Variants in CNTNAP2 observed in about 807,000 individuals in gnomAD.
CNTNAP2 encodes contactin-associated protein-like 2.
In CNTNAP2, 98 loss-of-function variants were observed where a neutral mutation model predicts 155.2. The ratio of observed to expected loss-of-function variants is 0.63; its 90% CI spans 0.54 to 0.75. The LOEUF (loss-of-function observed/expected upper bound fraction) is 0.75. CNTNAP2 is among the 30% of genes least tolerant of loss of function. CNTNAP2 has a pLI of 0.00. For synonymous variants in CNTNAP2, 651 were observed against 631.2 expected (o/e 1.03, Z -0.47); for missense variants, 1,727 against 1,688.1 (o/e 1.02, Z -0.40).
At chr7:147,153,674 G>A (rs1801868858) in intron 8 of CNTNAP2, among the ~76,000 whole-genome samples, 1 of 152,152 alleles carries the variant, frequency 6.6e-6, no homozygotes, top group Admixed American at 6.6e-5. Context: ...ATAATGCAGT[G>A]AACAGCGCAT....
At chr7:146,332,314 A>G (rs985274107) in intron 1 of CNTNAP2, among the ~76,000 whole-genome samples, 9 of 152,150 alleles carry the variant, frequency 5.9e-5, no homozygotes, top group African/African-American at 2.2e-4. Context: ...ATATAAAAAT[A>G]ATAGTAAAAC....
chr7:146,477,390 A>T (rs897527992), intron 1 of CNTNAP2, among the ~76,000 whole-genome samples: 3 of 152,140 alleles, frequency 2.0e-5, no homozygotes, highest in South Asian at 2.1e-4. Context: ...GGATTCCATT[A>T]TACATATTTT....
intron 15 of CNTNAP2, among the ~76,000 whole-genome samples, chr7:148,098,498 G>A (rs1180311732): frequency 4.0e-5 from 5 of 124,904 alleles, no homozygotes; most frequent in African/African-American, 1.5e-4. Context: ...AGCCTAATAA[G>A]CAAGTGAGAG....
chr7:146,502,447 T>TGTCTC (rs1797319568), intron 1 of CNTNAP2, among the ~76,000 whole-genome samples: 1 of 151,866 alleles, frequency 6.6e-6, no homozygotes, highest in Non-Finnish European at 1.5e-5. Flanking sequence ...ATTATTAGTT[T>TGTCTC]TTTGAGAAAT....
At chr7:147,315,817 A>C (rs1584867574) in intron 9 of CNTNAP2, among the ~76,000 whole-genome samples, 2 of 152,182 alleles carry the variant, frequency 1.3e-5, no homozygotes, top group East Asian at 3.9e-4. Flanking sequence ...TTGCTTAAAA[A>C]ATTATCTTTT....
chr7:146,677,922 T>C (rs1800431388), intron 1 of CNTNAP2, among the ~76,000 whole-genome samples: 1 of 152,112 alleles, frequency 6.6e-6, no homozygotes, highest in African/African-American at 2.4e-5. Context: ...GCATGACTGA[T>C]GTCCCACGCT....
chr7:146,932,388 C>G (rs147854161), intron 3 of CNTNAP2, among the ~76,000 whole-genome samples: 44,353 of 148,952 alleles, frequency 0.3, 1,962 homozygotes, highest in Middle Eastern at 0.35. Context: ...ATTCAACAAC[C>G]CTTCATGCTA....
At chr7:146,977,849 A>T (rs552641722) in intron 3 of CNTNAP2, among the ~76,000 whole-genome samples, 1 of 152,340 alleles carries the variant, frequency 6.6e-6, no homozygotes, top group African/African-American at 2.4e-5. Flanking sequence ...CTGTCAAATT[A>T]CATGGGTTGA....
rs1170952494 is a variant in CNTNAP2 at position 146,721,166 on chromosome 7, C to G, written c.98-53105C>G. On this transcript the variant is annotated intron_variant, in intron 1 of 23. Transcript: ENST00000361727. ...TTTATATATTCTATATATATATTCT[C>G]TCTATATATTCCATATATATATTCT... Among the ~76,000 whole-genome samples, 2 of 130,314 alleles carry G rather than the reference C, an allele frequency of 1.5e-5. 1 individual carries two copies. Among genetic ancestry groups the G allele is most frequent in the African/African-American group, 5.7e-5 (2 of 34,992 alleles). The allele number at this position is 130,314 out of a possible 152,430, so 85.5% of individuals were successfully genotyped here.
chr7:147,798,329 TA>T (rs1797935156), intron 13 of CNTNAP2, among the ~76,000 whole-genome samples: 1 of 151,918 alleles, frequency 6.6e-6, no homozygotes, highest in Non-Finnish European at 1.5e-5. Flanking sequence ...GCTTTATTAG[TA>T]GGTCAATTAG....
chr7:147,347,702 C>T (rs780169827), intron 9 of CNTNAP2, among the ~76,000 whole-genome samples: 8 of 151,666 alleles, frequency 5.3e-5, no homozygotes, highest in Non-Finnish European at 8.8e-5. Context: ...TGTGGGATCA[C>T]AAAAATCCCA....
At chr7:146,600,141 T>C (rs1798927744) in intron 1 of CNTNAP2, among the ~76,000 whole-genome samples, 1 of 151,932 alleles carries the variant, frequency 6.6e-6, no homozygotes, top group Admixed American at 6.6e-5. Context: ...TCCTCAACCA[T>C]TCGTAAGCAA....
intron 21 of CNTNAP2, among the ~76,000 whole-genome samples, chr7:148,309,437 GAC>G (rs1332586812): frequency 6.6e-6 from 1 of 152,208 alleles, no homozygotes; most frequent in Non-Finnish European, 1.5e-5. Context: ...TGTGTGAAGA[GAC>G]CACCAAACAG....
intron 1 of CNTNAP2, among the ~76,000 whole-genome samples, chr7:146,586,026 C>CAAAACAAAA (rs1307661999): frequency 1.3e-5 from 2 of 151,626 alleles, no homozygotes; most frequent in African/African-American, 4.8e-5. Flanking sequence ...AACAACAAAA[C>CAAAACAAAA]AAAACAAACA....
At chr7:147,388,125 T>C (rs1411590467) in intron 9 of CNTNAP2, among the ~76,000 whole-genome samples, 1 of 152,230 alleles carries the variant, frequency 6.6e-6, no homozygotes, top group Non-Finnish European at 1.5e-5. Context: ...CCCTTTTTTA[T>C]TTTGATATTC....
intron 1 of CNTNAP2, among the ~76,000 whole-genome samples, chr7:146,734,985 A>G (rs1000789155): frequency 6.6e-6 from 1 of 152,186 alleles, no homozygotes; most frequent in African/African-American, 2.4e-5. Context: ...GAACCGAGAA[A>G]GAAATCCAGA....
chr7:146,871,872 A>T lies in CNTNAP2; in HGVS notation c.402+31968A>T, dbSNP rs149558800. ...GTTTTATGAGCATAACAAATTCAAA[A>T]AACACAGAACTATAACTCTTTTGTT... On this transcript the variant is annotated intron_variant, in intron 3 of 23. Coordinates refer to ENST00000361727, the MANE Select transcript of CNTNAP2 (RefSeq NM_014141.6). 6.5e-3 allele frequency among the ~76,000 whole-genome samples: 991 copies of T among 152,230 alleles called. 8 individuals are homozygous for T. The highest frequency in any genetic ancestry group is 0.022 in the African/African-American group (907 of 41,552).
At chr7:147,119,319 GTTT>G (rs1200816168) in intron 5 of CNTNAP2, among the ~76,000 whole-genome samples, 7 of 152,108 alleles carry the variant, frequency 4.6e-5, no homozygotes, top group Non-Finnish European at 7.4e-5. Context: ...ACCAAAAAAA[GTTT>G]ATTAGCTTTA....
At chr7:146,630,972 G>T (rs537287569) in intron 1 of CNTNAP2, among the ~76,000 whole-genome samples, 3 of 152,062 alleles carry the variant, frequency 2.0e-5, no homozygotes, top group African/African-American at 7.2e-5. Context: ...TTGTGAAAAT[G>T]GCCATACTGC....
Sources: gnomAD v4.1 joint callset for allele counts (sites outside exome capture counted in the v4.1 genomes callset) on GRCh38, gnomAD v4.1.1 for gene constraint, MANE v1.5 for transcripts, NCBI Gene and HGNC (gene_info 2026-07-23, HGNC 2026-07-21) for gene names.